Variants in PIP5K1B observed in about 807,000 individuals in gnomAD.
PIP5K1B encodes the protein phosphatidylinositol 4-phosphate 5-kinase type-1 beta.
A neutral mutation model predicts 67.0 loss-of-function variants in PIP5K1B; 42 were observed. That is an observed-to-expected ratio of 0.63 (90% CI 0.49 to 0.81). The LOEUF (loss-of-function observed/expected upper bound fraction) is 0.81. Ranked by LOEUF, PIP5K1B falls within the 30% of genes least tolerant of loss-of-function variation. The pLI is 0.00. For synonymous variants in PIP5K1B, 214 were observed against 231.4 expected (o/e 0.92, Z 0.68); for missense variants, 459 against 646.3 (o/e 0.71, Z 3.14).
intron 4 of PIP5K1B, among the ~76,000 whole-genome samples, chr9:68,852,019 A>G (rs1822513138): frequency 1.3e-5 from 2 of 152,212 alleles, no homozygotes; most frequent in Non-Finnish European, 2.9e-5. Context: ...TTATGAGAAC[A>G]CATGGACACA....
At chr9:68,800,337 A>G (rs1340540933) in intron 2 of PIP5K1B, among the ~76,000 whole-genome samples, 1 of 152,200 alleles carries the variant, frequency 6.6e-6, no homozygotes, top group Non-Finnish European at 1.5e-5. Flanking sequence ...TGAGGTTTGT[A>G]CCATGCTTTT....
intron 14 of PIP5K1B, among the ~76,000 whole-genome samples, chr9:68,962,089 C>T (rs1327375946): frequency 6.6e-6 from 1 of 152,182 alleles, no homozygotes; most frequent in African/African-American, 2.4e-5. Flanking sequence ...AAGTGGGAAG[C>T]ATGTGTTCAC....
At chr9:68,754,914 A>G (rs1436379566) in intron 2 of PIP5K1B, among the ~76,000 whole-genome samples, 3 of 152,158 alleles carry the variant, frequency 2.0e-5, no homozygotes, top group Admixed American at 2.0e-4. Flanking sequence ...TGTTATCTAT[A>G]TGTGATCTTC....
intron 1 of PIP5K1B, among the ~76,000 whole-genome samples, chr9:68,709,270 C>G (rs112098831): frequency 0.024 from 3,699 of 152,024 alleles, 71 homozygotes; most frequent in Non-Finnish European, 0.037. Context: ...GAGTCAAGGT[C>G]TCATTCTGTT....
intron 12 of PIP5K1B, 116 bp from the exon 13 acceptor site, chr9:68,934,774 C>G (rs1438538094): frequency 5.8e-6 from 4 of 688,886 alleles, no homozygotes; most frequent in Non-Finnish European, 8.7e-6. Context: ...AGCGTCTTGT[C>G]TTCTATTCAA....
Position 68,754,468 on chromosome 9 carries a change from C to T in PIP5K1B, c.-86+11811C>T, listed in dbSNP as rs546946068. ...ACAGGCGTGAGCCACCACGCCCGGC[C>T]GGTTCCATGATTTTTTAATGTTAGT... On this transcript the variant is annotated intron_variant, in intron 2 of 15. Coordinates refer to ENST00000265382, the MANE Select transcript of PIP5K1B (RefSeq NM_003558.4). Among the ~76,000 whole-genome samples, 4 of 152,158 alleles carry T rather than the reference C, an allele frequency of 2.6e-5. No homozygotes were observed. In the East Asian group the frequency reaches 5.8e-4, roughly 22 times the overall value.
At chr9:68,870,211 C>T (rs1270277028) in intron 5 of PIP5K1B, among the ~76,000 whole-genome samples, 3 of 152,090 alleles carry the variant, frequency 2.0e-5, no homozygotes, top group Admixed American at 6.6e-5. Context: ...TTTATATAAC[C>T]GATGATGTCA....
chr9:68,814,048 G>A (rs138764334), intron 2 of PIP5K1B, among the ~76,000 whole-genome samples: 2 of 152,178 alleles, frequency 1.3e-5, no homozygotes, highest in Non-Finnish European at 2.9e-5. Flanking sequence ...CAAAGCCTGG[G>A]CCACCTTGAT....
chr9:68,920,330 A>T, intron 11 of PIP5K1B, among the ~76,000 whole-genome samples: 1 of 138,722 alleles, frequency 7.2e-6, no homozygotes, highest in Non-Finnish European at 1.6e-5. Context: ...CTACATCAAC[A>T]TTTATACATG....
intron 14 of PIP5K1B, chr9:68,966,417 T>A (rs950322580): frequency 6.6e-6 from 1 of 152,222 alleles, no homozygotes; most frequent in Non-Finnish European, 1.5e-5. Context: ...TGATAAGTCA[T>A]GTTAATAGTG....
At chr9:68,765,370 T>G (rs1208904025) in intron 2 of PIP5K1B, among the ~76,000 whole-genome samples, 1 of 152,112 alleles carries the variant, frequency 6.6e-6, no homozygotes, top group East Asian at 1.9e-4. Context: ...TTTGAGGGTG[T>G]ACCTGTGCTG....
At chr9:68,864,094 G>A in intron 5 of PIP5K1B, 127 bp downstream of exon 5, 1 of 790,762 alleles carries the variant, frequency 1.3e-6, no homozygotes, top group African/African-American at 1.7e-5. Context: ...GCCTTTGGCA[G>A]GGCCAAAGGC....
chr9:68,942,518 G>A (rs912005628), intron 14 of PIP5K1B, among the ~76,000 whole-genome samples: 1 of 152,096 alleles, frequency 6.6e-6, no homozygotes, highest in Non-Finnish European at 1.5e-5. Context: ...AGGGGTGTTA[G>A]ACTCTTGGGT....
chr9:68,914,630 G>A (rs914418749), intron 8 of PIP5K1B, among the ~76,000 whole-genome samples: 1 of 152,094 alleles, frequency 6.6e-6, no homozygotes, highest in African/African-American at 2.4e-5. Context: ...CAGGAGAATG[G>A]TGTGAACCCG....
intron 15 of PIP5K1B, 122 bp from the exon 16 acceptor site, chr9:69,008,325 G>A: frequency 1.2e-6 from 1 of 841,386 alleles, no homozygotes; most frequent in Non-Finnish European, 2.1e-6. Flanking sequence ...CAAACATAAT[G>A]CACCCCATTT....
intron 4 of PIP5K1B, among the ~76,000 whole-genome samples, chr9:68,854,322 G>A (rs1587561398): frequency 6.6e-6 from 1 of 151,876 alleles, no homozygotes; most frequent in Admixed American, 6.6e-5. Flanking sequence ...TAGAGAAAAG[G>A]TCTTACTATG....
chr9:69,000,176 A>T (rs2133017583), intron 15 of PIP5K1B, among the ~76,000 whole-genome samples: 1 of 152,218 alleles, frequency 6.6e-6, no homozygotes, highest in East Asian at 1.9e-4. Flanking sequence ...TCAACACAGA[A>T]AATGCTTCTT....
At chr9:68,998,701 G>T (rs1003341428) in intron 15 of PIP5K1B, among the ~76,000 whole-genome samples, 3 of 152,142 alleles carry the variant, frequency 2.0e-5, no homozygotes, top group African/African-American at 7.2e-5. Flanking sequence ...GAACAAACAA[G>T]AACTTTTAGG....
intron 8 of PIP5K1B, among the ~76,000 whole-genome samples, chr9:68,901,345 G>A (rs7042559): frequency 0.97 from 147,967 of 152,294 alleles, 72,016 homozygotes; most frequent in South Asian, 1. Flanking sequence ...TGCAACCTCT[G>A]CCTCCCAGGC....
Sources: allele counts gnomAD v4.1 joint callset (sites outside exome capture counted in the v4.1 genomes callset), GRCh38; gene constraint gnomAD v4.1.1; transcripts MANE v1.5; gene names NCBI Gene and HGNC (gene_info 2026-07-23, HGNC 2026-07-21).